The following CHID1 variants were observed in gnomAD, a reference collection of about 807,000 sequenced individuals.
CHID1 encodes the protein chitinase domain containing 1.
CHID1 carries 44 observed loss-of-function variants against 55.4 expected under a neutral mutation model. That is an observed-to-expected ratio of 0.79 (90% CI 0.62 to 1.02). The LOEUF (loss-of-function observed/expected upper bound fraction) is 1.02. CHID1 is among the 50% of genes least tolerant of loss of function. The probability of loss-of-function intolerance (pLI) is 0.00; values close to 1 mark genes in which losing one functional copy is unlikely to be tolerated. For missense variants in CHID1, 491 were observed against 515.3 expected (o/e 0.95, Z 0.46); for synonymous variants, 216 against 212.9 (o/e 1.01, Z -0.13).
At position 904,754 on chromosome 11, in the gene CHID1, C is replaced by T; in HGVS notation, c.63G>A (p.Leu21=). 6.2e-7 allele frequency: 1 copy of T among 1,614,106 alleles called. No homozygotes were observed. Among genetic ancestry groups the T allele is most frequent in the Non-Finnish European group, 8.5e-7 (1 of 1,180,024 alleles). The change falls in exon 2 of 13, where the codon CTG becomes CTA. Residue 21 remains leucine (L), a synonymous_variant. Transcript: ENST00000323578. ...ALACSPVHTT[L]SKSDAKKAAS... Reference sequence around the variant, plus strand: ...CGGCTTTTTTGGCATCTGACTTTGACAGGGTAGTGTGAACAGGGCTGCAGG... The same window carrying T: ...CGGCTTTTTTGGCATCTGACTTTGATAGGGTAGTGTGAACAGGGCTGCAGG...
chr11:903,036 C>T lies in CHID1; in HGVS notation c.187G>A (p.Glu63Lys). ...TTTGCCGAGCAGTAGCTGCGATGCT[C>T]AAGAACCACACTCTCAGCTTTGAGG... The part of the protein sequence containing the change: ...TDLKAESVVL[E>K]HRSYCSAKAR... Residue 63 changes from glutamate to lysine, a missense_variant, in exon 3 of 13, where the codon GAG (glutamate) becomes AAG (lysine). Glu to Lys is a moderately conservative substitution (Grantham distance 56). Transcript: ENST00000323578. 1 of 1,613,966 alleles carries T rather than the reference C, an allele frequency of 6.2e-7. No individual in the cohort carries two copies. The highest frequency in any genetic ancestry group is 8.5e-7 in the Non-Finnish European group (1 of 1,180,022).
Position 903,064 on chromosome 11 carries a change from C to A in CHID1, c.159G>T (p.Thr53=), listed in dbSNP as rs770904881. The part of the protein sequence containing the change: ...KPVQDRGLVV[T]DLKAESVVLE... ...GAACCACACTCTCAGCTTTGAGGTCCGTCACCACCAAACCCCGGTCTTGCA... is the reference window on the plus strand; with the variant it reads ...GAACCACACTCTCAGCTTTGAGGTCAGTCACCACCAAACCCCGGTCTTGCA... The change falls in exon 3 of 13, where the codon ACG becomes ACT. Residue 53 remains threonine, a synonymous_variant. Transcript: ENST00000323578. 2 of 1,613,432 alleles carry A rather than the reference C, an allele frequency of 1.2e-6. No homozygotes were observed. The highest frequency in any genetic ancestry group is 1.3e-5 in the African/African-American group (1 of 74,934).
chr11:908,571 GCTCCCAGGCACCCAGTCTT>G, intron 1 of CHID1: 1 of 985,414 alleles, frequency 1.0e-6, no homozygotes, highest in South Asian at 4.7e-5. Context: ...GGCTGCCTCA[GCTCCCAGGCACCCAGTCTT>G]TGACCCCAGC....
At chr11:912,859 A>G (rs1852778021), upstream of CHID1, among the ~76,000 whole-genome samples, 1 of 151,842 alleles carries the variant, frequency 6.6e-6, no homozygotes, top group Non-Finnish European at 1.5e-5. Flanking sequence ...AAAGAAAAAG[A>G]AAAAGAAAAC....
chr11:911,985 T>C (rs1852721340), upstream of CHID1, among the ~76,000 whole-genome samples: 1 of 152,238 alleles, frequency 6.6e-6, no homozygotes. Context: ...GGAAAGGCAC[T>C]TAGCCATTTT....
chr11:889,383 CTG>C (rs1256878261), intron 8 of CHID1, among the ~76,000 whole-genome samples: 1 of 152,196 alleles, frequency 6.6e-6, no homozygotes, highest in East Asian at 1.9e-4. Flanking sequence ...ATCTGCATCA[CTG>C]TAGTTGACGC....
intron 8 of CHID1, among the ~76,000 whole-genome samples, chr11:884,655 T>TC (rs1185683401): frequency 6.6e-6 from 1 of 152,042 alleles, no homozygotes; most frequent in Non-Finnish European, 1.5e-5. Flanking sequence ...AGCCAGGCTG[T>TC]CCAAAGCCCT....
At chr11:905,728 T>C (rs998915240) in intron 1 of CHID1, among the ~76,000 whole-genome samples, 11 of 151,800 alleles carry the variant, frequency 7.2e-5, no homozygotes, top group African/African-American at 2.7e-4. Context: ...ACGATGATGG[T>C]GGTGATGCCA....
chr11:902,089 C>G, intron 4 of CHID1, 109 bp downstream of exon 4: 1 of 1,310,176 alleles, frequency 7.6e-7, no homozygotes, highest in South Asian at 1.3e-5. Context: ...CACTCCCATA[C>G]AGAGACACCC....
At chr11:907,689 G>C (rs1312022312) in intron 1 of CHID1, among the ~76,000 whole-genome samples, 1 of 152,166 alleles carries the variant, frequency 6.6e-6, no homozygotes, top group African/African-American at 2.4e-5. Context: ...AGCCTGGGCA[G>C]AGGCAGATAC....
chr11:912,422 G>C (rs1241513351), upstream of CHID1, among the ~76,000 whole-genome samples: 1 of 152,246 alleles, frequency 6.6e-6, no homozygotes, highest in Non-Finnish European at 1.5e-5. Context: ...AGGAAGCCCA[G>C]AGCCAGGCCC....
chr11:874,484 T>C (rs1356630755), intron 10 of CHID1, among the ~76,000 whole-genome samples: 4 of 152,124 alleles, frequency 2.6e-5, no homozygotes, highest in Non-Finnish European at 5.9e-5. Flanking sequence ...AGATAGGGTC[T>C]TGTTCTGTCA....
intron 10 of CHID1, among the ~76,000 whole-genome samples, chr11:873,077 C>T (rs1017052495): frequency 8.5e-5 from 13 of 152,094 alleles, no homozygotes; most frequent in African/African-American, 2.7e-4. Flanking sequence ...GCCCTGGGGA[C>T]GAGGAGAAGC....
At chr11:885,440 T>G (rs1249388898) in intron 8 of CHID1, among the ~76,000 whole-genome samples, 1 of 152,182 alleles carries the variant, frequency 6.6e-6, no homozygotes, top group Non-Finnish European at 1.5e-5. Flanking sequence ...TGTCCCGGCC[T>G]GCAGGTACGT....
chr11:898,085 C>A (rs568580909), intron 7 of CHID1, among the ~76,000 whole-genome samples: 1 of 152,204 alleles, frequency 6.6e-6, no homozygotes, highest in African/African-American at 2.4e-5. Flanking sequence ...GGGGCAGGGC[C>A]TGTACCGGCT....
At chr11:889,449 G>C (rs1359442818) in intron 8 of CHID1, among the ~76,000 whole-genome samples, 1 of 152,116 alleles carries the variant, frequency 6.6e-6, no homozygotes, top group African/African-American at 2.4e-5. Flanking sequence ...CATCTGCTGG[G>C]GTGGGCCCAT....
rs375558883 is a variant in CHID1, at chr11:910,797, G to C, written c.-66C>G. 4 of 1,113,700 alleles carry C rather than the reference G, an allele frequency of 3.6e-6. No homozygotes were observed. The highest frequency in any genetic ancestry group is 1.8e-5 in the South Asian group (1 of 54,596). The allele number at this position is 1,113,700 out of a possible 1,614,324, so 69.0% of individuals were successfully genotyped here. ...CACCTGCATGTCAGGGAGGCCGGAC[G>C]GCCACAAACGCACGGCCGGAAAACG... is the stretch of plus-strand genomic sequence containing the variant. On this transcript the variant is annotated 5_prime_UTR_variant, in exon 1 of 13. Transcript: ENST00000323578.
At chr11:907,547 T>C (rs1852335524) in intron 1 of CHID1, among the ~76,000 whole-genome samples, 1 of 151,898 alleles carries the variant, frequency 6.6e-6, no homozygotes, top group Non-Finnish European at 1.5e-5. Context: ...CGGTGGGAGC[T>C]GAACCACCAC....
chr11:903,850 CCCG>C (rs1186934699), intron 2 of CHID1: 1 of 202,204 alleles, frequency 4.9e-6, no homozygotes, highest in Admixed American at 6.3e-5. Flanking sequence ...TGCCACCGCC[CCCG>C]CCAACGTGAC....
Sources: allele counts gnomAD v4.1 joint callset (sites outside exome capture counted in the v4.1 genomes callset), GRCh38; gene constraint gnomAD v4.1.1; transcripts MANE v1.5; gene names NCBI Gene and HGNC (gene_info 2026-07-23, HGNC 2026-07-21).